Variants in EPHA6 observed in about 807,000 individuals in gnomAD.
The protein encoded by EPHA6 is ephrin type-A receptor 6.
EPHA6 carries 50 observed loss-of-function variants against 112.0 expected under a neutral mutation model. That is an observed-to-expected ratio of 0.45 (90% CI 0.36 to 0.56). The LOEUF (loss-of-function observed/expected upper bound fraction) is 0.56, where lower values mean the gene tolerates loss of function less well. Among genes scored for constraint, EPHA6 ranks in the 20% least tolerant of loss-of-function variants. EPHA6 has a pLI of 0.00. For missense variants in EPHA6, 1,280 were observed against 1,417.4 expected (o/e 0.90, Z 1.56); for synonymous variants, 529 against 490.7 (o/e 1.08, Z -1.03).
At chr3:97,304,310 T>G (rs1256571588) in intron 5 of EPHA6, among the ~76,000 whole-genome samples, 1 of 151,842 alleles carries the variant, frequency 6.6e-6, no homozygotes, top group Non-Finnish European at 1.5e-5. Context: ...AAGGGCATCC[T>G]TGTCTTGTGC....
chr3:96,996,304 A>G (rs2043419796), intron 3 of EPHA6, among the ~76,000 whole-genome samples: 1 of 152,018 alleles, frequency 6.6e-6, no homozygotes, highest in East Asian at 1.9e-4. Context: ...GGTAGGTGTT[A>G]ATTTCTTCAA....
chr3:96,826,989 A>G (rs2033704668), intron 1 of EPHA6, among the ~76,000 whole-genome samples: 1 of 152,082 alleles, frequency 6.6e-6, no homozygotes, highest in African/African-American at 2.4e-5. Flanking sequence ...TTATCTTCCA[A>G]TTTAAAACGG....
chr3:97,523,124 G>T (rs888103664), intron 10 of EPHA6, among the ~76,000 whole-genome samples: 1 of 151,848 alleles, frequency 6.6e-6, no homozygotes, highest in African/African-American at 2.4e-5. Context: ...ACATTAAGTT[G>T]CTTACTTAAG....
intron 3 of EPHA6, among the ~76,000 whole-genome samples, chr3:97,073,789 G>A (rs575323629): frequency 1.3e-4 from 20 of 151,668 alleles, no homozygotes; most frequent in South Asian, 4.2e-4. Context: ...TATTTATAGC[G>A]CATTTATATT....
chr3:97,325,811 C>A (rs565290628), intron 5 of EPHA6, among the ~76,000 whole-genome samples: 22 of 152,126 alleles, frequency 1.4e-4, no homozygotes, highest in African/African-American at 5.3e-4. Flanking sequence ...ACGTTAAAAC[C>A]AACTTGCCAT....
chr3:97,626,703 C>T (rs2093859966), intron 13 of EPHA6, among the ~76,000 whole-genome samples: 1 of 151,750 alleles, frequency 6.6e-6, no homozygotes, highest in South Asian at 2.1e-4. Flanking sequence ...CAGTAGTGTG[C>T]TAAAGCCAGA....
intron 2 of EPHA6, among the ~76,000 whole-genome samples, chr3:96,943,844 A>T (rs1015341367): frequency 6.6e-6 from 1 of 152,208 alleles, no homozygotes; most frequent in Non-Finnish European, 1.5e-5. Flanking sequence ...AATTGAAAAA[A>T]GTATCTGTAA....
chr3:97,513,114 T>C (rs11922396), intron 10 of EPHA6, among the ~76,000 whole-genome samples: 17,281 of 152,210 alleles, frequency 0.11, 3,127 homozygotes, highest in African/African-American at 0.38. Flanking sequence ...CATTATTTAC[T>C]CATGGTGTTC....
chr3:97,565,845 C>T (rs1479499046), intron 11 of EPHA6, among the ~76,000 whole-genome samples: 7 of 151,584 alleles, frequency 4.6e-5, no homozygotes, highest in Admixed American at 1.3e-4. Context: ...GGTGAAACCC[C>T]GTCTCTACTA....
intron 5 of EPHA6, among the ~76,000 whole-genome samples, chr3:97,345,641 T>TTAA (rs5851063): frequency 0.22 from 32,856 of 151,936 alleles, 8,230 homozygotes; most frequent in African/African-American, 0.6. Context: ...ATGCATCAAG[T>TTAA]TAATTTTTAA....
At chr3:97,185,729 T>G (rs564171628) in intron 3 of EPHA6, among the ~76,000 whole-genome samples, 4 of 152,150 alleles carry the variant, frequency 2.6e-5, no homozygotes, top group Non-Finnish European at 5.9e-5. Context: ...ACCCAAAGGA[T>G]TATAAATCAT....
At chr3:97,085,753 A>G (rs2046873383) in intron 3 of EPHA6, among the ~76,000 whole-genome samples, 1 of 151,866 alleles carries the variant, frequency 6.6e-6, no homozygotes, top group African/African-American at 2.4e-5. Context: ...AGGGCTGAGA[A>G]ATGAAACTGA....
At chr3:97,122,376 G>T (rs2108305667) in intron 3 of EPHA6, among the ~76,000 whole-genome samples, 1 of 152,056 alleles carries the variant, frequency 6.6e-6, no homozygotes, top group African/African-American at 2.4e-5. Flanking sequence ...TGAATTACGT[G>T]TATTTTTAAG....
intron 10 of EPHA6, among the ~76,000 whole-genome samples, chr3:97,524,580 T>A (rs900554468): frequency 2.6e-5 from 4 of 152,134 alleles, no homozygotes; most frequent in African/African-American, 9.6e-5. Flanking sequence ...AGCTTTATAC[T>A]TCCATATGTT....
intron 14 of EPHA6, among the ~76,000 whole-genome samples, chr3:97,644,143 A>C (rs1576182552): frequency 6.6e-6 from 1 of 152,168 alleles, no homozygotes; most frequent in African/African-American, 2.4e-5. Flanking sequence ...CTCACTCAAA[A>C]CCGCTCAACT....
intron 5 of EPHA6, among the ~76,000 whole-genome samples, chr3:97,291,702 G>A (rs1383585695): frequency 1.3e-5 from 2 of 152,158 alleles, no homozygotes; most frequent in Non-Finnish European, 2.9e-5. Flanking sequence ...GTCCTCCAGT[G>A]TGGGTACATA....
intron 2 of EPHA6, among the ~76,000 whole-genome samples, chr3:96,965,274 T>A (rs2042083824): frequency 1.3e-5 from 2 of 152,138 alleles, no homozygotes; most frequent in African/African-American, 4.8e-5. Flanking sequence ...GGTGTTTTTC[T>A]CAGGCCATAT....
chr3:97,501,720 C>T (rs2092121642), intron 10 of EPHA6, among the ~76,000 whole-genome samples: 1 of 151,716 alleles, frequency 6.6e-6, no homozygotes, highest in African/African-American at 2.4e-5. Flanking sequence ...CCTTAAAATG[C>T]TTATTTTAGA....
At chr3:97,073,331 A>C (rs1488184776) in intron 3 of EPHA6, among the ~76,000 whole-genome samples, 1 of 152,220 alleles carries the variant, frequency 6.6e-6, no homozygotes, top group East Asian at 1.9e-4. Flanking sequence ...TTTCCTTATT[A>C]AGCAATGTCA....
Sources: allele counts gnomAD v4.1 joint callset (sites outside exome capture counted in the v4.1 genomes callset), GRCh38; gene constraint gnomAD v4.1.1; transcripts MANE v1.5; gene names NCBI Gene and HGNC (gene_info 2026-07-23, HGNC 2026-07-21).